LDLRAD4: variants seen among roughly 807,000 people sequenced by gnomAD.
LDLRAD4 encodes the protein low-density lipoprotein receptor class A domain-containing protein 4.
In LDLRAD4, 5 loss-of-function variants were observed where a neutral mutation model predicts 17.0. The observed-to-expected ratio is 0.29, with a 90% CI of 0.15 to 0.62. LDLRAD4 has a LOEUF of 0.62. LDLRAD4 is among the 20% of genes least tolerant of loss of function. LDLRAD4 has a pLI of 0.84. For synonymous variants in LDLRAD4, 168 were observed against 171.8 expected (o/e 0.98, Z 0.17); for missense variants, 340 against 424.7 (o/e 0.80, Z 1.75).
At chr18:13,535,378 G>A (rs998009536) in intron 3 of LDLRAD4, among the ~76,000 whole-genome samples, 6 of 152,224 alleles carry the variant, frequency 3.9e-5, no homozygotes, top group Middle Eastern at 3.4e-3. Context: ...GTTGTGTAGT[G>A]CATCTTACTG....
chr18:13,612,554 C>CG (rs904026092), intron 3 of LDLRAD4: 38 of 1,451,144 alleles, frequency 2.6e-5, no homozygotes, highest in African/African-American at 5.7e-5. Flanking sequence ...CACCCCCCCC[C>CG]CCTCCACGCT....
At chr18:13,262,045 A>G (rs1197006988) in intron 1 of LDLRAD4, among the ~76,000 whole-genome samples, 10 of 104,730 alleles carry the variant, frequency 9.5e-5, no homozygotes, top group South Asian at 3.2e-4. Context: ...TGTGCATGGA[A>G]ACTGAGTCCC....
At chr18:13,402,300 G>C (rs1027438359) in intron 2 of LDLRAD4, among the ~76,000 whole-genome samples, 1 of 152,092 alleles carries the variant, frequency 6.6e-6, no homozygotes, top group Non-Finnish European at 1.5e-5. Context: ...ATAGGACCCT[G>C]CTACCCTGAC....
At chr18:13,428,907 G>A (rs1030148904) in intron 2 of LDLRAD4, among the ~76,000 whole-genome samples, 4 of 152,172 alleles carry the variant, frequency 2.6e-5, no homozygotes, top group African/African-American at 4.8e-5. Context: ...AGGATATGTT[G>A]AACAAGTGAC....
chr18:13,383,167 A>G (rs921849027), intron 1 of LDLRAD4, among the ~76,000 whole-genome samples: 5 of 152,202 alleles, frequency 3.3e-5, no homozygotes, highest in Admixed American at 6.5e-5. Context: ...GTGTTTGCTG[A>G]GCCTTCTCTG....
chr18:13,531,745 G>A (rs2094131248), intron 3 of LDLRAD4, among the ~76,000 whole-genome samples: 1 of 152,128 alleles, frequency 6.6e-6, no homozygotes, highest in Admixed American at 6.5e-5. Flanking sequence ...CCTTTAGTAG[G>A]AAATGGAGAT....
intron 1 of LDLRAD4, among the ~76,000 whole-genome samples, chr18:13,226,008 T>G (rs911684691): frequency 6.6e-6 from 1 of 152,044 alleles, no homozygotes; most frequent in African/African-American, 2.4e-5. Flanking sequence ...TTTTAGAAAT[T>G]TATTACATAA....
chr18:13,570,076 C>CT (rs34080033), intron 3 of LDLRAD4, among the ~76,000 whole-genome samples: 1 of 152,062 alleles, frequency 6.6e-6, no homozygotes, highest in African/African-American at 2.4e-5. Context: ...GGTTTTTCTT[C>CT]TTTTTGACAA....
chr18:13,399,273 A>G (rs79328727), intron 2 of LDLRAD4, among the ~76,000 whole-genome samples: 8,744 of 152,248 alleles, frequency 0.057, 613 homozygotes, highest in East Asian at 0.37. Context: ...TGATGTGTTT[A>G]TACACATGTG....
Position 13,507,645 on chromosome 18 carries a change from G to A in LDLRAD4, c.181+69261G>A, listed in dbSNP as rs566708631. On this transcript the variant is annotated intron_variant, in intron 3 of 5. Transcript: ENST00000359446. ...AACATGCATGCATATGTGATACAGT[G>A]ATCTTTGATGTTACTATTGTAGTTG... Among the ~76,000 whole-genome samples, 331 of 152,284 alleles carry A rather than the reference G, an allele frequency of 2.2e-3. 1 individual carries two copies. Among genetic ancestry groups the A allele is most frequent in the Non-Finnish European group, 3.6e-3 (244 of 68,018 alleles).
chr18:13,243,480 G>T (rs561288484), intron 1 of LDLRAD4, among the ~76,000 whole-genome samples: 1 of 137,860 alleles, frequency 7.3e-6, no homozygotes, highest in Non-Finnish European at 1.6e-5. Context: ...CCTTCCATCC[G>T]TGCACCTACC....
At chr18:13,334,773 T>C (rs1394463089) in intron 1 of LDLRAD4, among the ~76,000 whole-genome samples, 2 of 152,228 alleles carry the variant, frequency 1.3e-5, no homozygotes, top group African/African-American at 4.8e-5. Flanking sequence ...TTGCCTTGTT[T>C]CTGATCTTAG....
chr18:13,371,750 G>A (rs1240361270), intron 1 of LDLRAD4, among the ~76,000 whole-genome samples: 3 of 152,110 alleles, frequency 2.0e-5, no homozygotes, highest in Admixed American at 1.3e-4. Flanking sequence ...GGGCAACAGA[G>A]TGAGACTCTG....
In LDLRAD4 at chr18:13,539,474, T is replaced by C. The variant is rs151337498; in HGVS notation, c.182-81643T>C. Among the ~76,000 whole-genome samples the C allele has an allele frequency of 3.4e-4, 52 of 152,364 alleles. No individual in the cohort carries two copies. The East Asian group carries it at 4.8e-3, about 14-fold the overall frequency. Reference sequence around the variant, plus strand: ...AGGAAAAACAGATGCAAGCTCTTCTTGACTTAGTATCCTTCACTACAGAAA... The same window carrying C: ...AGGAAAAACAGATGCAAGCTCTTCTCGACTTAGTATCCTTCACTACAGAAA... On this transcript the variant is annotated intron_variant, in intron 3 of 5. Coordinates refer to ENST00000359446, the Ensembl canonical transcript of LDLRAD4.
intron 1 of LDLRAD4, among the ~76,000 whole-genome samples, chr18:13,301,432 G>T (rs2046593688): frequency 6.6e-6 from 1 of 151,978 alleles, no homozygotes; most frequent in African/African-American, 2.4e-5. Flanking sequence ...TGGGGCTTGG[G>T]GCGAGGGGGG....
chr18:13,629,086 C>T (rs1280492972), intron 4 of LDLRAD4, among the ~76,000 whole-genome samples: 1 of 152,224 alleles, frequency 6.6e-6, no homozygotes, highest in African/African-American at 2.4e-5. Context: ...CCACTTCAGC[C>T]TCCCAAAGTG....
At chr18:13,246,082 A>G (rs2042939918) in intron 1 of LDLRAD4, among the ~76,000 whole-genome samples, 1 of 152,284 alleles carries the variant, frequency 6.6e-6, no homozygotes, top group African/African-American at 2.4e-5. Flanking sequence ...ATGTGTGAAC[A>G]AAGATTGGCA....
At chr18:13,400,475 G>A (rs1234867457) in intron 2 of LDLRAD4, among the ~76,000 whole-genome samples, 1 of 152,172 alleles carries the variant, frequency 6.6e-6, no homozygotes, top group Non-Finnish European at 1.5e-5. Context: ...TGGGTGTGGG[G>A]CCCAGACCTG....
intron 1 of LDLRAD4, among the ~76,000 whole-genome samples, chr18:13,289,210 A>G (rs2045826573): frequency 6.6e-6 from 1 of 152,230 alleles, no homozygotes; most frequent in Non-Finnish European, 1.5e-5. Context: ...GAGTTCTAAA[A>G]GTAAAATTGT....
Sources: gnomAD v4.1 joint callset for allele counts (sites outside exome capture counted in the v4.1 genomes callset) on GRCh38, gnomAD v4.1.1 for gene constraint, MANE v1.5 for transcripts, NCBI Gene and HGNC (gene_info 2026-07-23, HGNC 2026-07-21) for gene names.